The following LRRC4C variants were observed in gnomAD, a reference collection of about 807,000 sequenced individuals.
LRRC4C encodes leucine-rich repeat-containing protein 4C.
LRRC4C carries 5 observed loss-of-function variants against 33.6 expected under a neutral mutation model. The ratio of observed to expected loss-of-function variants is 0.15; its 90% CI spans 0.08 to 0.31. The LOEUF is 0.31. Among genes scored for constraint, LRRC4C ranks in the 10% least tolerant of loss-of-function variants. LRRC4C has a pLI of 1.00. For synonymous variants in LRRC4C, 329 were observed against 302.0 expected (o/e 1.09, Z -0.93); for missense variants, 560 against 796.7 (o/e 0.70, Z 3.58).
chr11:40,709,074 C>G (rs1946329101), intron 2 of LRRC4C, among the ~76,000 whole-genome samples: 1 of 151,874 alleles, frequency 6.6e-6, no homozygotes, highest in Non-Finnish European at 1.5e-5. Flanking sequence ...TTACTCTATC[C>G]CTTTATTTTG....
At chr11:41,093,160 A>C (rs112610767) in intron 1 of LRRC4C, among the ~76,000 whole-genome samples, 28 of 152,340 alleles carry the variant, frequency 1.8e-4, no homozygotes, top group African/African-American at 6.7e-4. Context: ...ACTTTAACTC[A>C]AAGTCCCAAC....
At chr11:41,130,978 A>G (rs1219616089) in intron 1 of LRRC4C, among the ~76,000 whole-genome samples, 1 of 152,076 alleles carries the variant, frequency 6.6e-6, no homozygotes, top group Non-Finnish European at 1.5e-5. Flanking sequence ...CTTTGCCTAT[A>G]TGATTTCAAT....
intron 2 of LRRC4C, among the ~76,000 whole-genome samples, chr11:40,843,072 A>G (rs984758804): frequency 1.3e-5 from 2 of 152,192 alleles, no homozygotes; most frequent in Non-Finnish European, 2.9e-5. Context: ...TGAAATTCTA[A>G]TCTATACTGA....
At chr11:40,867,403 T>A (rs1382457309) in intron 2 of LRRC4C, among the ~76,000 whole-genome samples, 1 of 152,212 alleles carries the variant, frequency 6.6e-6, no homozygotes, top group African/African-American at 2.4e-5. Flanking sequence ...GCAATAATAC[T>A]GTCTCTGGAA....
intron 1 of LRRC4C, among the ~76,000 whole-genome samples, chr11:41,300,930 G>A (rs932286481): frequency 1.2e-4 from 19 of 152,118 alleles, no homozygotes; most frequent in African/African-American, 4.6e-4. Context: ...AGAGAGGCCT[G>A]GGAGGAAGAG....
chr11:41,328,682 C>G (rs907758622), intron 1 of LRRC4C, among the ~76,000 whole-genome samples: 2 of 152,192 alleles, frequency 1.3e-5, no homozygotes, highest in African/African-American at 4.8e-5. Context: ...TTCTAACCAC[C>G]AGCAAGCCTC....
chr11:41,016,618 T>C (rs1004070368), intron 1 of LRRC4C, among the ~76,000 whole-genome samples: 4 of 152,150 alleles, frequency 2.6e-5, no homozygotes, highest in Admixed American at 6.5e-5. Context: ...GTACCAGTAG[T>C]GAATCCTAGA....
chr11:40,936,232 A>C (rs2136524662), intron 1 of LRRC4C, among the ~76,000 whole-genome samples: 1 of 150,024 alleles, frequency 6.7e-6, no homozygotes, highest in South Asian at 2.1e-4. Flanking sequence ...AGTTTTATTA[A>C]CATCTAAATT....
chr11:41,161,329 T>G (rs1447041771), intron 1 of LRRC4C, among the ~76,000 whole-genome samples: 1 of 152,204 alleles, frequency 6.6e-6, no homozygotes, highest in Non-Finnish European at 1.5e-5. Flanking sequence ...GAGTCCCTCC[T>G]GCTTATTTCT....
At chr11:41,413,747 A>G (rs186759756) in intron 1 of LRRC4C, among the ~76,000 whole-genome samples, 6 of 152,314 alleles carry the variant, frequency 3.9e-5, no homozygotes, top group Non-Finnish European at 8.8e-5. Flanking sequence ...ATTTGTGAAA[A>G]AGTCAAAAAG....
intron 3 of LRRC4C, among the ~76,000 whole-genome samples, chr11:40,473,537 C>T (rs527812107): frequency 5.3e-5 from 8 of 151,980 alleles, no homozygotes; most frequent in South Asian, 2.1e-4. Context: ...CTTTGACAAC[C>T]GGCACAAGAC....
intron 1 of LRRC4C, among the ~76,000 whole-genome samples, chr11:41,382,785 G>A (rs546502438): frequency 2.0e-5 from 3 of 152,164 alleles, no homozygotes; most frequent in African/African-American, 7.2e-5. Context: ...GGAGAGCTTT[G>A]GGCAACATAG....
intron 2 of LRRC4C, among the ~76,000 whole-genome samples, chr11:40,755,273 C>G (rs894927114): frequency 5.9e-5 from 9 of 152,036 alleles, no homozygotes; most frequent in African/African-American, 1.7e-4. Flanking sequence ...ATATGATGAG[C>G]TCTTTTACTT....
At chr11:41,090,095 T>A (rs2135540190) in intron 1 of LRRC4C, among the ~76,000 whole-genome samples, 1 of 152,058 alleles carries the variant, frequency 6.6e-6, no homozygotes, top group Non-Finnish European at 1.5e-5. Context: ...TAGTATTGAG[T>A]GATTGAAAAT....
At chr11:40,752,227 A>T (rs535485638) in intron 2 of LRRC4C, among the ~76,000 whole-genome samples, 3 of 152,210 alleles carry the variant, frequency 2.0e-5, no homozygotes, top group African/African-American at 4.8e-5. Flanking sequence ...AAAGGTATAG[A>T]CGACTGACAC....
At chr11:41,073,959 G>A (rs1938915941) in intron 1 of LRRC4C, among the ~76,000 whole-genome samples, 1 of 152,094 alleles carries the variant, frequency 6.6e-6, no homozygotes, top group South Asian at 2.1e-4. Context: ...CATTGTTTTA[G>A]TAACTATTGT....
intron 1 of LRRC4C, among the ~76,000 whole-genome samples, chr11:41,255,293 G>T (rs189915969): frequency 6.6e-6 from 1 of 151,944 alleles, no homozygotes; most frequent in Non-Finnish European, 1.5e-5. Flanking sequence ...CATCTAAAAC[G>T]ATCTGAGCTG....
At chr11:40,493,615 T>C (rs914710982) in intron 3 of LRRC4C, among the ~76,000 whole-genome samples, 3 of 152,212 alleles carry the variant, frequency 2.0e-5, no homozygotes, top group Non-Finnish European at 4.4e-5. Context: ...AGAAAAGTTC[T>C]GTAAGTCTGT....
rs191449105 is a variant in LRRC4C at position 40,772,707 on chromosome 11, C to G, written c.-406-124429G>C. ...TCCAAAACACAGGCAATAATGAATA[C>G]TGACAAAGATGTAGAGAAACGTGAA... On this transcript the variant is annotated intron_variant, in intron 2 of 6. Coordinates refer to ENST00000528697, the MANE Select transcript of LRRC4C (RefSeq NM_001258419.2). Among the ~76,000 whole-genome samples the G allele has an allele frequency of 8.2e-4, 125 of 152,244 alleles. 2 individuals carry two copies. In the East Asian group the frequency reaches 0.02, roughly 24 times the overall value.
Sources: allele counts gnomAD v4.1 joint callset (sites outside exome capture counted in the v4.1 genomes callset), GRCh38; gene constraint gnomAD v4.1.1; transcripts MANE v1.5; gene names NCBI Gene and HGNC (gene_info 2026-07-23, HGNC 2026-07-21).